Variants in KLF12 observed in about 807,000 individuals in gnomAD.
The protein encoded by KLF12 is KLF transcription factor 12.
Under a neutral mutation model 37.8 loss-of-function variants are expected in KLF12, and 9 were observed. The ratio of observed to expected loss-of-function variants is 0.24; its 90% CI spans 0.14 to 0.42. KLF12 has a LOEUF of 0.42. Among genes scored for constraint, KLF12 ranks in the 10% least tolerant of loss-of-function variants. KLF12 has a pLI of 1.00. For missense variants in KLF12, 411 were observed against 516.0 expected (o/e 0.80, Z 1.97); for synonymous variants, 208 against 202.1 (o/e 1.03, Z -0.25).
intron 2 of KLF12, among the ~76,000 whole-genome samples, chr13:73,987,544 T>G: frequency 6.7e-6 from 1 of 149,342 alleles, no homozygotes; most frequent in East Asian, 2.0e-4. Flanking sequence ...TATAATCAAG[T>G]GGCCAGAGAA....
chr13:73,785,131 T>TTA (rs1881262171), intron 5 of KLF12, among the ~76,000 whole-genome samples: 1 of 151,880 alleles, frequency 6.6e-6, no homozygotes, highest in Non-Finnish European at 1.5e-5. Flanking sequence ...TTTTTTTTTT[T>TTA]TTAAGACAGG....
chr13:74,000,726 A>T (rs1892257364), intron 1 of KLF12, among the ~76,000 whole-genome samples: 1 of 152,232 alleles, frequency 6.6e-6, no homozygotes, highest in Admixed American at 6.5e-5. Flanking sequence ...AAGCACACTG[A>T]CATGGAAATT....
At position 73,869,389 on chromosome 13, in the gene KLF12, T is replaced by C. The variant is rs146759319; in HGVS notation, c.124-23016A>G. On this transcript the variant is annotated intron_variant, in intron 3 of 7. Coordinates refer to ENST00000377669, the MANE Select transcript of KLF12 (RefSeq NM_007249.5). ...AAAAAATACATTTGTTGTGATTTCT[T>C]CTCAGGAAACACATGTAAGTTTATA... Among the ~76,000 whole-genome samples, 734 of 152,266 alleles carry C rather than the reference T, an allele frequency of 4.8e-3. 5 individuals are homozygous for C. The highest frequency in any genetic ancestry group is 0.017 in the African/African-American group (695 of 41,562).
At chr13:74,054,052 TTTCATCA>T (rs1873094131) in intron 1 of KLF12, among the ~76,000 whole-genome samples, 1 of 152,204 alleles carries the variant, frequency 6.6e-6, no homozygotes, top group Admixed American at 6.5e-5. Context: ...TTTGCATGTA[TTTCATCA>T]CATAAAAATA....
chr13:74,295,973 C>A, the KLF12 span, among the ~76,000 whole-genome samples: 1 of 151,672 alleles, frequency 6.6e-6, no homozygotes, highest in Non-Finnish European at 1.5e-5. Flanking sequence ...GCCTCCCTGA[C>A]CAACCAAATT....
At chr13:73,865,141 C>G (rs769523135) in intron 3 of KLF12, among the ~76,000 whole-genome samples, 14 of 152,100 alleles carry the variant, frequency 9.2e-5, no homozygotes, top group African/African-American at 1.7e-4. Context: ...TTTGTGCTTT[C>G]TGTTAGGATA....
the KLF12 span, among the ~76,000 whole-genome samples, chr13:74,206,636 T>C: frequency 6.6e-6 from 1 of 152,160 alleles, no homozygotes; most frequent in Non-Finnish European, 1.5e-5. Context: ...ACAGGGAAAA[T>C]AAAAAGTGTT....
At chr13:73,900,100 C>T (rs572221302) in intron 3 of KLF12, among the ~76,000 whole-genome samples, 241 of 152,234 alleles carry the variant, frequency 1.6e-3, no homozygotes, top group Non-Finnish European at 2.7e-3. Context: ...GAAGATAGCC[C>T]TATCAGACTC....
the KLF12 span, among the ~76,000 whole-genome samples, chr13:74,282,648 G>A: frequency 6.6e-6 from 1 of 152,160 alleles, no homozygotes; most frequent in East Asian, 1.9e-4. Context: ...AGCATGTGCA[G>A]AAAAGGAAGT....
At chr13:73,849,375 T>TAAAA (rs574332239) in intron 3 of KLF12, among the ~76,000 whole-genome samples, 7 of 98,960 alleles carry the variant, frequency 7.1e-5, no homozygotes, top group Admixed American at 1.1e-4. Flanking sequence ...GGAGACTCCA[T>TAAAA]AAAAAAAAAA....
At chr13:73,914,114 T>C (rs1888700221) in intron 3 of KLF12, among the ~76,000 whole-genome samples, 1 of 152,196 alleles carries the variant, frequency 6.6e-6, no homozygotes, top group Non-Finnish European at 1.5e-5. Flanking sequence ...TTGCCTTCCA[T>C]CCTATACCCC....
intron 2 of KLF12, among the ~76,000 whole-genome samples, chr13:73,950,799 G>A (rs1890615991): frequency 1.3e-5 from 2 of 152,206 alleles, no homozygotes; most frequent in Admixed American, 6.5e-5. Flanking sequence ...TGGGTTTGAT[G>A]TCAGGTAAAG....
chr13:74,045,362 C>T (rs999368583), intron 1 of KLF12, among the ~76,000 whole-genome samples: 12 of 152,240 alleles, frequency 7.9e-5, no homozygotes, highest in African/African-American at 4.8e-5. Context: ...GGGCATCAGA[C>T]GAATCTCGAC....
chr13:74,196,803 G>A, the KLF12 span, among the ~76,000 whole-genome samples: 1 of 152,038 alleles, frequency 6.6e-6, no homozygotes, highest in Non-Finnish European at 1.5e-5. Context: ...GGACTCTGGT[G>A]CCCTGAGAAT....
chr13:73,758,385 AAATAGACAAC>A (rs1474009795), intron 6 of KLF12, among the ~76,000 whole-genome samples: 1 of 152,206 alleles, frequency 6.6e-6, no homozygotes, highest in Non-Finnish European at 1.5e-5. Context: ...GTAAGAACAA[AAATAGACAAC>A]AATAGACTAC....
chr13:73,883,010 T>A (rs925488188), intron 3 of KLF12, among the ~76,000 whole-genome samples: 3 of 152,176 alleles, frequency 2.0e-5, no homozygotes, highest in Admixed American at 6.5e-5. Flanking sequence ...ATTTAAATAA[T>A]CATCCCCAAA....
At chr13:73,739,361 A>C (rs918771916) in intron 6 of KLF12, among the ~76,000 whole-genome samples, 2 of 152,102 alleles carry the variant, frequency 1.3e-5, no homozygotes, top group African/African-American at 4.8e-5. Context: ...ATACCTTAAC[A>C]AATGTTTTCT....
the KLF12 span, among the ~76,000 whole-genome samples, chr13:74,286,877 T>G: frequency 6.6e-6 from 1 of 152,180 alleles, no homozygotes; most frequent in African/African-American, 2.4e-5. Context: ...GTTTTTGGAA[T>G]GGGGACTCAG....
At chr13:74,259,997 T>A in the KLF12 span, 1 of 152,222 alleles carries the variant, frequency 6.6e-6, no homozygotes, top group African/African-American at 2.4e-5. Context: ...TGATTTTACT[T>A]CTTCTAAGCA....
Sources: gnomAD v4.1 joint callset for allele counts (sites outside exome capture counted in the v4.1 genomes callset) on GRCh38, gnomAD v4.1.1 for gene constraint, MANE v1.5 for transcripts, NCBI Gene and HGNC (gene_info 2026-07-23, HGNC 2026-07-21) for gene names.